Variants in COL27A1 observed in about 807,000 individuals in gnomAD.
COL27A1 encodes the protein collagen type XXVII alpha 1 chain, also known as collagen alpha-1(XXVII) chain.
Under a neutral mutation model 251.3 loss-of-function variants are expected in COL27A1, and 106 were observed. The ratio of observed to expected loss-of-function variants is 0.42; its 90% CI spans 0.36 to 0.50. COL27A1 has a LOEUF of 0.50. Ranked by LOEUF, COL27A1 falls within the 20% of genes least tolerant of loss-of-function variation. COL27A1 has a pLI of 0.00. For missense variants in COL27A1, 2,325 were observed against 2,522.8 expected (o/e 0.92, Z 1.68); for synonymous variants, 1,000 against 986.3 (o/e 1.01, Z -0.26).
At chr9:114,250,302 C>G (rs1428274639) in intron 24 of COL27A1, among the ~76,000 whole-genome samples, 1 of 152,228 alleles carries the variant, frequency 6.6e-6, no homozygotes, top group African/African-American at 2.4e-5. Context: ...TAAGCCACCC[C>G]CCGCCCAACC....
intron 2 of COL27A1, among the ~76,000 whole-genome samples, chr9:114,165,642 A>C (rs1490926311): frequency 1.6e-5 from 2 of 123,142 alleles, no homozygotes; most frequent in African/African-American, 6.5e-5. Context: ...CCATTTATCC[A>C]TCCATTTATC....
At chr9:114,248,844 C>T (rs1227123834) in intron 24 of COL27A1, among the ~76,000 whole-genome samples, 2 of 152,232 alleles carry the variant, frequency 1.3e-5, no homozygotes, top group Non-Finnish European at 1.5e-5. Flanking sequence ...CTGGGCCAGT[C>T]AGGCAGGGGC....
At chr9:114,251,867 C>T (rs972908639) in intron 25 of COL27A1, among the ~76,000 whole-genome samples, 6 of 152,236 alleles carry the variant, frequency 3.9e-5, no homozygotes, top group African/African-American at 1.4e-4. Flanking sequence ...CACCATGACC[C>T]CCACCCTCAC....
intron 7 of COL27A1, 42 bp from the exon 8 acceptor site, chr9:114,205,060 T>G: frequency 1.2e-6 from 2 of 1,602,766 alleles, no homozygotes; most frequent in Non-Finnish European, 1.7e-6. Context: ...CAGGACCAGA[T>G]GTGTCCTCCC....
At position 114,312,308 on chromosome 9, in the gene COL27A1, G is replaced by C. The variant is rs143191582; in HGVS notation, c.*1613G>C. On this transcript the variant is annotated 3_prime_UTR_variant, in exon 61 of 61. Coordinates refer to ENST00000356083, the MANE Select transcript of COL27A1 (RefSeq NM_032888.4). ...GCCTGGACGCTCTGCGTGGAAGTGC[G>C]TGTTTGTAGCAGCTCGGGCCTCATC... The C allele has an allele frequency of 1.5e-4, 23 of 152,100 alleles. No homozygotes were observed. The allele number at this position is 152,100 out of a possible 1,614,324, so 9.4% of individuals were successfully genotyped here. A position where few individuals can be genotyped will look rare whatever the true frequency, so the allele number is the denominator to read the frequency against.
chr9:114,176,891 G>T (rs371189554), intron 3 of COL27A1, among the ~76,000 whole-genome samples: 1 of 152,186 alleles, frequency 6.6e-6, no homozygotes, highest in East Asian at 1.9e-4. Context: ...ACTGTGAGCC[G>T]AGACTGCCCA....
intron 7 of COL27A1, among the ~76,000 whole-genome samples, chr9:114,201,308 C>T (rs931268552): frequency 2.6e-5 from 4 of 152,212 alleles, no homozygotes; most frequent in African/African-American, 9.6e-5. Context: ...CGGTCAGCAC[C>T]CGCCCCATAA....
chr9:114,235,385 C>G (rs1334251599), intron 16 of COL27A1, among the ~76,000 whole-genome samples: 1 of 152,218 alleles, frequency 6.6e-6, no homozygotes, highest in Admixed American at 6.5e-5. Context: ...ATCCGAGCAG[C>G]CCCAGGCAAG....
intron 1 of COL27A1, among the ~76,000 whole-genome samples, chr9:114,160,081 G>T (rs1848384743): frequency 6.6e-6 from 1 of 152,122 alleles, no homozygotes; most frequent in Non-Finnish European, 1.5e-5. Context: ...AAGGACCAAG[G>T]ATTATCTTGG....
chr9:114,225,096 A>C (rs1831376757), intron 14 of COL27A1, among the ~76,000 whole-genome samples: 1 of 152,218 alleles, frequency 6.6e-6, no homozygotes, highest in Non-Finnish European at 1.5e-5. Flanking sequence ...TTCAAATTTA[A>C]CTGGGCATCC....
At chr9:114,187,130 G>A (rs1828408112) in intron 5 of COL27A1, among the ~76,000 whole-genome samples, 1 of 152,258 alleles carries the variant, frequency 6.6e-6, no homozygotes, top group African/African-American at 2.4e-5. Context: ...GTGGCTGCTG[G>A]CAGAGCTAGT....
Position 114,309,472 on chromosome 9 carries a change from C to A in COL27A1, c.5430C>A (p.Gly1810=). 6.2e-7 allele frequency: 1 copy of A among 1,613,456 alleles called. No homozygotes were observed. The highest frequency in any genetic ancestry group is 2.2e-5 in the East Asian group (1 of 44,878). The change falls in exon 60 of 61, where the codon GGC becomes GGA. Residue 1810 remains glycine, a synonymous_variant. Transcript: ENST00000356083. ...TCCGGCCCGAGGTGTCCATGGATGG[C>A]TGCAAGGTAACTCTCAGAGCCCCTC... ...GQFRPEVSMD[G]CKVQDGRWHQ... is the part of the protein sequence containing the mutation.
At chr9:114,299,989 C>A in intron 49 of COL27A1, 81 bp from the exon 50 acceptor site, 1 of 1,352,604 alleles carries the variant, frequency 7.4e-7, no homozygotes, top group Non-Finnish European at 1.1e-6. Flanking sequence ...AGGGAAAAGG[C>A]AGGCCCTGAG....
At chr9:114,171,973 C>T (rs1001336539) in intron 3 of COL27A1, among the ~76,000 whole-genome samples, 2 of 152,134 alleles carry the variant, frequency 1.3e-5, no homozygotes, top group Admixed American at 6.5e-5. Context: ...TGGGATGCAA[C>T]TTGTGGTCCC....
intron 28 of COL27A1, among the ~76,000 whole-genome samples, chr9:114,263,031 TG>T (rs1554819516): frequency 7.1e-6 from 1 of 141,634 alleles, no homozygotes; most frequent in Non-Finnish European, 1.5e-5. Context: ...CTCCGCCTCC[TG>T]GGTTCAAGCA....
intron 3 of COL27A1, among the ~76,000 whole-genome samples, chr9:114,174,479 G>A (rs937337573): frequency 3.3e-5 from 5 of 152,144 alleles, no homozygotes; most frequent in Non-Finnish European, 7.3e-5. Context: ...AGCAGAGAGG[G>A]CACAGGGAGA....
chr9:114,242,239 T>A lies in COL27A1; in HGVS notation c.2880+8T>A. ...GGGGCCCCTGGCTTGGAGGTGAGTGTCACTGGCCTGGGGTAGGTGGCATTC... is the reference window on the plus strand; with the variant it reads ...GGGGCCCCTGGCTTGGAGGTGAGTGACACTGGCCTGGGGTAGGTGGCATTC... On this transcript the variant is annotated splice_region_variant and intron_variant, in intron 22 of 60. Transcript: ENST00000356083. The A allele has an allele frequency of 6.2e-7, 1 of 1,610,000 alleles. No homozygotes were observed.
intron 17 of COL27A1, 99 bp from the exon 18 acceptor site, chr9:114,236,882 G>C: frequency 9.3e-7 from 1 of 1,073,906 alleles, no homozygotes; most frequent in Non-Finnish European, 1.4e-6. Flanking sequence ...CTCCAAGGCG[G>C]GCGTTCTCTG....
chr9:114,259,647 T>A (rs1834177269), intron 28 of COL27A1, among the ~76,000 whole-genome samples: 1 of 152,168 alleles, frequency 6.6e-6, no homozygotes, highest in Non-Finnish European at 1.5e-5. Flanking sequence ...AGAGCTGGGA[T>A]TTGAACCCAG....
Sources: allele counts gnomAD v4.1 joint callset (sites outside exome capture counted in the v4.1 genomes callset), GRCh38; gene constraint gnomAD v4.1.1; transcripts MANE v1.5; gene names NCBI Gene and HGNC (gene_info 2026-07-23, HGNC 2026-07-21).